BCAP31: variants seen among roughly 807,000 people sequenced by gnomAD.
The protein encoded by BCAP31 is B-cell receptor-associated protein 31.
For missense variants in BCAP31, 124 were observed against 193.0 expected (o/e 0.64, Z 2.12); for synonymous variants, 75 against 80.9 (o/e 0.93, Z 0.39).
chrX:153,720,393 T>C (rs2091656755), intron 3 of BCAP31, among the ~76,000 whole-genome samples: 1 of 106,707 alleles, frequency 9.4e-6, no homozygotes, highest in Non-Finnish European at 1.9e-5. Context: ...AGATGGAGTC[T>C]CCCTCTTGTT....
At chrX:153,723,359 C>A in intron 1 of BCAP31, 71 bp from the exon 2 acceptor site, 1 of 1,138,648 alleles carries the variant, frequency 8.8e-7, no homozygotes, top group Non-Finnish European at 1.2e-6. Flanking sequence ...AGTTACCCTG[C>A]GAGGCTGGGG....
chrX:153,709,819 G>A (rs1241628820), intron 4 of BCAP31, among the ~76,000 whole-genome samples: 2 of 113,233 alleles, frequency 1.8e-5, no homozygotes, highest in Non-Finnish European at 3.7e-5. Flanking sequence ...CCCTTCATAT[G>A]TGCCAGGCCC....
At chrX:153,711,857 A>C (rs782263833) in intron 4 of BCAP31, among the ~76,000 whole-genome samples, 1 of 102,063 alleles carries the variant, frequency 9.8e-6, no homozygotes. Flanking sequence ...GTAAGCCAAG[A>C]CTGTGCCACT....
chrX:153,701,275 A>G (rs1193962687), intron 7 of BCAP31, among the ~76,000 whole-genome samples: 2 of 112,042 alleles, frequency 1.8e-5, no homozygotes, highest in African/African-American at 6.5e-5. Context: ...GTCCCCTTCA[A>G]GACCTGATCA....
chrX:153,708,549 C>T (rs1460942223), intron 4 of BCAP31, among the ~76,000 whole-genome samples: 4 of 112,950 alleles, frequency 3.5e-5, no homozygotes, highest in Non-Finnish European at 7.5e-5. Context: ...GGTGTCCCAG[C>T]GCCACCTGCT....
chrX:153,717,553 A>G (rs891604270), intron 3 of BCAP31, among the ~76,000 whole-genome samples: 1 of 112,519 alleles, frequency 8.9e-6, no homozygotes, highest in Admixed American at 9.4e-5. Context: ...AACTGGGACC[A>G]CAAGTGTGTG....
At chrX:153,703,439 G>C (rs1179262962) in intron 5 of BCAP31, among the ~76,000 whole-genome samples, 1 of 113,067 alleles carries the variant, frequency 8.8e-6, no homozygotes, top group African/African-American at 3.2e-5. Context: ...GCTCACTGCA[G>C]TTAGGAGCCC....
intron 3 of BCAP31, among the ~76,000 whole-genome samples, chrX:153,716,960 T>C (rs1363620045): frequency 4.5e-5 from 5 of 111,218 alleles, no homozygotes; most frequent in African/African-American, 1.7e-4. Context: ...AAGGATCCCA[T>C]AACATAATCA....
chrX:153,721,548 T>C (rs1280048008), intron 2 of BCAP31, among the ~76,000 whole-genome samples: 1 of 86,798 alleles, frequency 1.2e-5, no homozygotes, highest in African/African-American at 4.4e-5. Flanking sequence ...CAGGCTGGAG[T>C]GCAGAGGTGT....
chrX:153,713,365 A>G (rs1469789007), intron 4 of BCAP31, among the ~76,000 whole-genome samples: 1 of 109,226 alleles, frequency 9.2e-6, no homozygotes, highest in African/African-American at 3.3e-5. Context: ...ACAGACTCAG[A>G]CTGGCAAGCA....
chrX:153,702,600 C>T (rs781823692), intron 6 of BCAP31: 10 of 206,666 alleles, frequency 4.8e-5, no homozygotes, highest in Non-Finnish European at 8.7e-5. Context: ...CCACACTCCC[C>T]TCATTCTCAG....
At chrX:153,710,192 G>A (rs1205480427) in intron 4 of BCAP31, among the ~76,000 whole-genome samples, 4 of 111,820 alleles carry the variant, frequency 3.6e-5, no homozygotes, top group Admixed American at 2.8e-4. Flanking sequence ...TGGGGGAGCC[G>A]CGTCCTGGAG....
intron 4 of BCAP31, among the ~76,000 whole-genome samples, chrX:153,712,187 T>G (rs2091596324): frequency 9.0e-6 from 1 of 110,608 alleles, no homozygotes; most frequent in African/African-American, 3.3e-5. Context: ...TTTGGGAGGA[T>G]GAGGTGGGAG....
rs2091527971 is a variant in BCAP31 at position 153,702,874 on chromosome X, A to T, written c.601+61T>A. 7 of 1,185,721 alleles carry T rather than the reference A, an allele frequency of 5.9e-6. No individual in the cohort carries two copies. The Admixed American group carries it at 1.6e-4, about 27-fold the overall frequency. ...AATACTTTGGCACAAAATGGGCAGC[A>T]GCGGGCAGAGGAGGCTCCTCTGGAC... is the stretch of plus-strand genomic sequence containing the variant. On this transcript the variant is annotated intron_variant, in intron 6 of 7. Coordinates refer to ENST00000345046, the MANE Select transcript of BCAP31 (RefSeq NM_001256447.2).
intron 4 of BCAP31, among the ~76,000 whole-genome samples, chrX:153,714,859 G>T (rs1207647629): frequency 9.0e-6 from 1 of 111,003 alleles, no homozygotes; most frequent in Non-Finnish European, 1.9e-5. Context: ...CTTCATACAT[G>T]GTCTGAGCTC....
In BCAP31 at chrX:153,720,985, C is replaced by T. The variant is rs1249181911; in HGVS notation, c.93-13G>A. On this transcript the variant is annotated splice_polypyrimidine_tract_variant and intron_variant, in intron 2 of 7. Coordinates refer to ENST00000345046, the MANE Select transcript of BCAP31 (RefSeq NM_001256447.2). Reference sequence around the variant, plus strand: ...AATCTTCTGCCATCTGTGAAGAAGACAAAAAGGACAGGAGTTGAAGAGAAA... The same window carrying T: ...AATCTTCTGCCATCTGTGAAGAAGATAAAAAGGACAGGAGTTGAAGAGAAA... 2.5e-6 allele frequency: 3 copies of T among 1,191,865 alleles called. No homozygotes were observed. The highest frequency in any genetic ancestry group is 2.2e-5 in the Admixed American group (1 of 45,470).
chrX:153,715,610 G>A lies in BCAP31; in HGVS notation c.273C>T (p.His91=). ...GGGCACGGAAAAGCTTCATGTGGAA[G>A]TGCTCCATGGCCCCGGGATTGTTCT... is the stretch of plus-strand genomic sequence containing the variant. The part of the protein sequence containing the change: ...NLQNNPGAME[H]FHMKLFRAQR... The change falls in exon 4 of 8, where the codon CAC becomes CAT. Residue 91 remains histidine (H), a synonymous_variant. Transcript: ENST00000345046. 8.3e-7 allele frequency: 1 copy of A among 1,211,421 alleles called. No homozygotes were observed. Among genetic ancestry groups the A allele is most frequent in the Non-Finnish European group, 1.1e-6 (1 of 895,125 alleles).
chrX:153,722,600 T>C (rs999199964), intron 2 of BCAP31, among the ~76,000 whole-genome samples: 9 of 112,341 alleles, frequency 8.0e-5, no homozygotes, highest in Admixed American at 1.9e-4. Flanking sequence ...ATTTGTAATA[T>C]CGTAATTTAA....
intron 3 of BCAP31, among the ~76,000 whole-genome samples, chrX:153,716,472 G>A (rs1003900406): frequency 3.7e-5 from 4 of 108,449 alleles, no homozygotes; most frequent in African/African-American, 1.0e-4. Context: ...CAGATGTGGT[G>A]GCTCACGCCT....
Sources: allele counts gnomAD v4.1 joint callset (sites outside exome capture counted in the v4.1 genomes callset), GRCh38; gene constraint gnomAD v4.1.1; transcripts MANE v1.5; gene names NCBI Gene and HGNC (gene_info 2026-07-23, HGNC 2026-07-21).